The following CEP85 variants were observed in gnomAD, a reference collection of about 807,000 sequenced individuals.
CEP85 encodes centrosomal protein of 85 kDa.
A neutral mutation model predicts 93.7 loss-of-function variants in CEP85; 58 were observed. The observed-to-expected ratio is 0.62, with a 90% CI of 0.50 to 0.77. CEP85 has a LOEUF of 0.77. CEP85 is among the 30% of genes least tolerant of loss of function. The pLI is 0.00. For missense variants in CEP85, 868 were observed against 922.0 expected (o/e 0.94, Z 0.76); for synonymous variants, 314 against 338.6 (o/e 0.93, Z 0.80).
intron 2 of CEP85, among the ~76,000 whole-genome samples, chr1:26,243,107 G>A (rs1421795914): frequency 2.0e-5 from 3 of 147,778 alleles, no homozygotes; most frequent in South Asian, 2.1e-4. Context: ...GGGTACCCTG[G>A]TTCAGTGAAG....
intron 7 of CEP85, among the ~76,000 whole-genome samples, chr1:26,261,765 T>C (rs964147511): frequency 6.6e-6 from 1 of 151,904 alleles, no homozygotes; most frequent in Non-Finnish European, 1.5e-5. Context: ...TAAAATCAAG[T>C]TTATTACTCA....
At position 26,255,950 on chromosome 1, in the gene CEP85, A is replaced by G. The variant is rs573572402; in HGVS notation, c.903+85A>G. 2.2e-4 allele frequency: 271 copies of G among 1,205,984 alleles called. No individual in the cohort carries two copies. In the African/African-American group the frequency reaches 3.9e-3, roughly 18 times the overall value. 74.7% of individuals were successfully genotyped at this position (1,205,984 alleles called of 1,614,324 possible). ...GCTTTTGTCCTTTGAATTTTGGCTT[A>G]AAGAAAATAGCTGTAAAAAGAAGGA... On this transcript the variant is annotated intron_variant, in intron 4 of 13. Coordinates refer to ENST00000451429, the MANE Select transcript of CEP85 (RefSeq NM_001319944.2).
intron 5 of CEP85, 148 bp downstream of exon 5, chr1:26,257,878 A>T (rs1028661619): frequency 1.1e-6 from 1 of 874,670 alleles, no homozygotes; most frequent in Non-Finnish European, 1.8e-6. Context: ...TAAGCAGCCT[A>T]GTCGTGTATA....
intron 2 of CEP85, among the ~76,000 whole-genome samples, chr1:26,241,111 T>C (rs906239699): frequency 6.6e-6 from 1 of 152,184 alleles, no homozygotes; most frequent in African/African-American, 2.4e-5. Context: ...TATTTAACTT[T>C]AAAATCTCAC....
chr1:26,267,095 C>G (rs535174269), intron 7 of CEP85, among the ~76,000 whole-genome samples: 1 of 152,222 alleles, frequency 6.6e-6, no homozygotes, highest in African/African-American at 2.4e-5. Flanking sequence ...CTCAGCAAAA[C>G]TGTGTTTACT....
chr1:26,241,243 A>AT (rs1433524136), intron 2 of CEP85, among the ~76,000 whole-genome samples: 15 of 61,814 alleles, frequency 2.4e-4, no homozygotes, highest in African/African-American at 8.5e-4. Context: ...CATTCAGCAG[A>AT]ATTTTTTTTT....
At chr1:26,265,724 T>G (rs748089301) in intron 7 of CEP85, among the ~76,000 whole-genome samples, 52 of 152,304 alleles carry the variant, frequency 3.4e-4, no homozygotes, top group Non-Finnish European at 4.3e-4. Context: ...CACTGCAGAT[T>G]ATAACTTTTC....
At chr1:26,250,934 T>C (rs2089600942) in intron 3 of CEP85, among the ~76,000 whole-genome samples, 2 of 69,778 alleles carry the variant, frequency 2.9e-5, no homozygotes, top group South Asian at 1.2e-3. Flanking sequence ...TCTTTTTTCT[T>C]TTTTTTTTTT....
chr1:26,275,742 T>C (rs2090044789), intron 12 of CEP85, among the ~76,000 whole-genome samples: 1 of 152,182 alleles, frequency 6.6e-6, no homozygotes, highest in Admixed American at 6.5e-5. Flanking sequence ...CTGACTGGCC[T>C]AGTGCCTAGG....
chr1:26,253,611 G>A (rs1294396522), intron 3 of CEP85, among the ~76,000 whole-genome samples: 8 of 151,598 alleles, frequency 5.3e-5, no homozygotes, highest in Non-Finnish European at 1.0e-4. Context: ...GGATGGTTTC[G>A]ATCTCCTGAC....
In CEP85 at chr1:26,258,263, A is replaced by G. The variant is rs766485049; in HGVS notation, c.1155+3A>G. The G allele has an allele frequency of 3.1e-6, 5 of 1,591,598 alleles. No individual in the cohort carries two copies. In the East Asian group the frequency reaches 8.9e-5, roughly 28 times the overall value. On this transcript the variant is annotated splice_donor_region_variant and intron_variant, in intron 6 of 13. Coordinates refer to ENST00000451429, the MANE Select transcript of CEP85 (RefSeq NM_001319944.2). ...ATGTCTGCTTGCTGAGGCTACAGGT[A>G]AGTATTGGCCATCAGGATGGCATTC...
chr1:26,246,723 C>T (rs1451286879), intron 3 of CEP85, among the ~76,000 whole-genome samples: 1 of 116,458 alleles, frequency 8.6e-6, no homozygotes, highest in African/African-American at 3.2e-5. Context: ...AGTGAGACTC[C>T]GTCTTTAAAA....
chr1:26,256,829 C>A (rs1342679364), intron 4 of CEP85, among the ~76,000 whole-genome samples: 1 of 151,604 alleles, frequency 6.6e-6, no homozygotes, highest in Non-Finnish European at 1.5e-5. Flanking sequence ...GAACTCCTGA[C>A]CTTGTGATCC....
chr1:26,253,563 G>T (rs1459631361), intron 3 of CEP85, among the ~76,000 whole-genome samples: 2 of 151,524 alleles, frequency 1.3e-5, no homozygotes, highest in African/African-American at 4.8e-5. Context: ...CTAATATTTT[G>T]TATTTTTAGT....
In CEP85 at chr1:26,274,982, G is replaced by T; in HGVS notation, c.1813G>T (p.Ala605Ser). 1 of 1,575,838 alleles carries T rather than the reference G, an allele frequency of 6.3e-7. No homozygotes were observed. The highest frequency in any genetic ancestry group is 1.8e-5 in the Admixed American group (1 of 54,582). The change falls in exon 12 of 14, where the codon GCT (alanine) becomes TCT (serine). Residue 605 changes from alanine (A) to serine (S), a missense_variant. Coordinates refer to ENST00000451429, the MANE Select transcript of CEP85 (RefSeq NM_001319944.2). ...GATTCAGAGCCTAGAGCAGGAAGTG[G>T]CTCAAGAAGAAGGAACAAGCCAGGC... is the stretch of plus-strand genomic sequence containing the variant. ...SQVQSLEQEV[A>S]QEEGTSQALR... is the part of the protein sequence containing the mutation.
intron 7 of CEP85, 137 bp downstream of exon 7, chr1:26,259,939 T>C: frequency 1.5e-6 from 1 of 656,838 alleles, no homozygotes; most frequent in Non-Finnish European, 2.5e-6. Context: ...TCACACAGAA[T>C]CGTCACAGAT....
intron 8 of CEP85, among the ~76,000 whole-genome samples, chr1:26,269,130 C>T (rs962503288): frequency 2.6e-5 from 4 of 152,168 alleles, no homozygotes; most frequent in Admixed American, 1.3e-4. Flanking sequence ...ACTACTCACC[C>T]CACCACTCTG....
chr1:26,255,091 G>A (rs550968209), intron 3 of CEP85, 80 bp from the exon 4 acceptor site: 7 of 1,189,598 alleles, frequency 5.9e-6, no homozygotes, highest in Middle Eastern at 2.0e-4. Flanking sequence ...AGGACAGGCC[G>A]AGAGCTTCTG....
At position 26,244,303 on chromosome 1, in the gene CEP85, T is replaced by C; in HGVS notation, c.193T>C (p.Ser65Pro). ...GGACACAGCCATTGGTACATCATGC[T>C]CAGATATTGCGGAGGGTAAGTTTGT... Reference protein sequence around the residue: ...SGDTAIGTSCSDIAEDFCSSS... With the variant: ...SGDTAIGTSCPDIAEDFCSSS... Residue 65 changes from serine to proline, a missense_variant, in exon 3 of 14, where the codon TCA becomes CCA. By Grantham distance (74) the Ser-to-Pro change is moderately conservative (BLOSUM62 -1). Coordinates refer to ENST00000451429, the MANE Select transcript of CEP85 (RefSeq NM_001319944.2). The C allele has an allele frequency of 6.2e-7, 1 of 1,613,938 alleles. No homozygotes were observed. Among genetic ancestry groups the C allele is most frequent in the Non-Finnish European group, 8.5e-7 (1 of 1,179,936 alleles).
Sources: gnomAD v4.1 joint callset for allele counts (sites outside exome capture counted in the v4.1 genomes callset) on GRCh38, gnomAD v4.1.1 for gene constraint, MANE v1.5 for transcripts, NCBI Gene and HGNC (gene_info 2026-07-23, HGNC 2026-07-21) for gene names.